Variants in DECR1 observed in about 807,000 individuals in gnomAD.
DECR1 encodes 2,4-dienoyl-CoA reductase 1.
A neutral mutation model predicts 38.8 loss-of-function variants in DECR1; 44 were observed. That is an observed-to-expected ratio of 1.13 (90% CI 0.89 to 1.46). The LOEUF (loss-of-function observed/expected upper bound fraction) is 1.46. Ranked by LOEUF, DECR1 falls within the 40% of genes most tolerant of loss-of-function variation. DECR1 has a pLI of 0.00. For missense variants in DECR1, 428 were observed against 405.5 expected (o/e 1.06, Z -0.48); for synonymous variants, 148 against 135.2 (o/e 1.09, Z -0.66).
chr8:90,046,533 G>A (rs1290025027), intron 8 of DECR1, among the ~76,000 whole-genome samples: 1 of 152,196 alleles, frequency 6.6e-6, no homozygotes, highest in African/African-American at 2.4e-5. Flanking sequence ...AGAAATATGG[G>A]ACTATGTGAA....
chr8:90,034,279 G>T (rs1438890925), intron 5 of DECR1, among the ~76,000 whole-genome samples: 1 of 151,982 alleles, frequency 6.6e-6, no homozygotes, highest in Non-Finnish European at 1.5e-5. Flanking sequence ...ATTTCTAAAA[G>T]TATTTGCTGT....
chr8:90,042,610 C>T (rs1179731594), intron 6 of DECR1, 118 bp from the exon 7 acceptor site: 1 of 804,900 alleles, frequency 1.2e-6, no homozygotes, highest in Non-Finnish European at 2.1e-6. Flanking sequence ...ATAATAGTAC[C>T]TACCTGTTGG....
At chr8:90,031,992 CCACAA>C (rs1813507522) in intron 5 of DECR1, among the ~76,000 whole-genome samples, 1 of 152,122 alleles carries the variant, frequency 6.6e-6, no homozygotes, top group African/African-American at 2.4e-5. Context: ...CCACAAATGA[CCACAA>C]ACTTAACAGC....
chr8:90,030,286 G>C (rs1214154333), intron 5 of DECR1, among the ~76,000 whole-genome samples: 1 of 152,182 alleles, frequency 6.6e-6, no homozygotes, highest in African/African-American at 2.4e-5. Context: ...TGGGGCTGGG[G>C]TGTGGGGGTC....
At chr8:90,035,425 G>T (rs1813595708) in intron 5 of DECR1, among the ~76,000 whole-genome samples, 1 of 150,460 alleles carries the variant, frequency 6.6e-6, no homozygotes. Context: ...AGTTTATATT[G>T]CTGTGTCTTC....
Position 90,052,084 on chromosome 8 carries a change from C to T in DECR1, c.*187C>T, listed in dbSNP as rs1814112849. 2 of 457,598 alleles carry T rather than the reference C, an allele frequency of 4.4e-6. No homozygotes were observed. Among genetic ancestry groups the T allele is most frequent in the African/African-American group, 4.5e-5 (2 of 44,452 alleles). The allele number at this position is 457,598 out of a possible 1,614,324, so 28.3% of individuals were successfully genotyped here. On this transcript the variant is annotated 3_prime_UTR_variant, in exon 10 of 10. Transcript: ENST00000220764. ...ATAAATAAAATGAAATATAGTCCTTCAAAACATTAAAAAAAAAAAAAGGAG... is the reference window on the plus strand; with the variant it reads ...ATAAATAAAATGAAATATAGTCCTTTAAAACATTAAAAAAAAAAAAAGGAG...
intron 1 of DECR1, among the ~76,000 whole-genome samples, chr8:90,013,009 G>T (rs1237921139): frequency 6.6e-6 from 1 of 152,226 alleles, no homozygotes; most frequent in Non-Finnish European, 1.5e-5. Flanking sequence ...CTACATGGCA[G>T]ATCAGTCACG....
intron 7 of DECR1, among the ~76,000 whole-genome samples, chr8:90,044,174 T>C (rs1813829438): frequency 6.6e-6 from 1 of 152,194 alleles, no homozygotes; most frequent in Non-Finnish European, 1.5e-5. Context: ...TATAACCTCC[T>C]GGGAAGAACT....
intron 8 of DECR1, among the ~76,000 whole-genome samples, chr8:90,050,948 C>T: frequency 6.6e-6 from 1 of 152,152 alleles, no homozygotes; most frequent in Non-Finnish European, 1.5e-5. Flanking sequence ...ACCGCATGTT[C>T]TCACTCATAA....
At chr8:90,027,213 A>G (rs1003341350) in intron 5 of DECR1, among the ~76,000 whole-genome samples, 3 of 152,120 alleles carry the variant, frequency 2.0e-5, no homozygotes, top group African/African-American at 4.8e-5. Context: ...TTTGGGGTGG[A>G]GAGTTCTGTT....
At chr8:90,023,252 G>A (rs1401102838) in intron 5 of DECR1, among the ~76,000 whole-genome samples, 1 of 152,150 alleles carries the variant, frequency 6.6e-6, no homozygotes, top group Non-Finnish European at 1.5e-5. Flanking sequence ...AATTTTTGGT[G>A]CTATTGCAAA....
chr8:90,040,475 G>A (rs1813730201), intron 6 of DECR1, among the ~76,000 whole-genome samples: 1 of 151,990 alleles, frequency 6.6e-6, no homozygotes, highest in Non-Finnish European at 1.5e-5. Flanking sequence ...ATAGAACTTA[G>A]CGCATTTTTA....
At chr8:90,014,451 G>C (rs759277516) in intron 1 of DECR1, among the ~76,000 whole-genome samples, 1 of 152,138 alleles carries the variant, frequency 6.6e-6, no homozygotes, top group Non-Finnish European at 1.5e-5. Context: ...AATTAAAATA[G>C]CTTATCAATT....
At chr8:90,043,387 T>C (rs1304582569) in intron 7 of DECR1, among the ~76,000 whole-genome samples, 1 of 152,194 alleles carries the variant, frequency 6.6e-6, no homozygotes, top group Non-Finnish European at 1.5e-5. Flanking sequence ...TGGATACTCA[T>C]TGCAACTTGT....
chr8:90,006,245 C>T lies in DECR1; in HGVS notation c.69+4684C>T, dbSNP rs974678800. ...TTCTCACAGTAGGGAGATGTCAGGA[C>T]TGGGGAAGAAGCATCTCCTGCTCAT... On this transcript the variant is annotated intron_variant, in intron 1 of 9. Transcript: ENST00000220764. The T allele has an allele frequency of 4.3e-6, 3 of 703,890 alleles. No homozygotes were observed. Among genetic ancestry groups the T allele is most frequent in the Non-Finnish European group, 7.8e-6 (3 of 384,980 alleles). The allele number at this position is 703,890 out of a possible 1,614,324, so 43.6% of individuals were successfully genotyped here.
chr8:90,024,357 T>C (rs1286129986), intron 5 of DECR1, among the ~76,000 whole-genome samples: 1 of 152,060 alleles, frequency 6.6e-6, no homozygotes, highest in African/African-American at 2.4e-5. Flanking sequence ...GTTCCTATTT[T>C]TCCACATCCT....
At chr8:90,025,164 C>T (rs1229106285) in intron 5 of DECR1, among the ~76,000 whole-genome samples, 1 of 152,190 alleles carries the variant, frequency 6.6e-6, no homozygotes, top group Admixed American at 6.5e-5. Context: ...ATGATGCCTC[C>T]AGCTTTGTTC....
Position 90,053,542 on chromosome 8 carries a change from T to C in DECR1, c.*1645T>C, listed in dbSNP as rs1814144387. Among the ~76,000 whole-genome samples the C allele has an allele frequency of 6.6e-6, 1 of 152,202 alleles. No individual in the cohort carries two copies. Among genetic ancestry groups the C allele is most frequent in the Non-Finnish European group, 1.5e-5 (1 of 68,034 alleles). ...ACAAAGACACACTCTTTCCCTCCAC[T>C]GATTCCACCAGTATAGCCATATTTC... On this transcript the variant is annotated 3_prime_UTR_variant, in exon 10 of 10. Coordinates refer to ENST00000220764, the MANE Select transcript of DECR1 (RefSeq NM_001359.2).
chr8:90,051,278 A>T (rs1215943067), intron 8 of DECR1, among the ~76,000 whole-genome samples: 1 of 152,066 alleles, frequency 6.6e-6, no homozygotes, highest in African/African-American at 2.4e-5. Flanking sequence ...GTCATAACTT[A>T]ACATGGTGGC....
Sources: gnomAD v4.1 joint callset for allele counts (sites outside exome capture counted in the v4.1 genomes callset) on GRCh38, gnomAD v4.1.1 for gene constraint, MANE v1.5 for transcripts, NCBI Gene and HGNC (gene_info 2026-07-23, HGNC 2026-07-21) for gene names.